The following PALM2AKAP2 variants were observed in gnomAD, a reference collection of about 807,000 sequenced individuals.
PALM2AKAP2 encodes the protein PALM2-AKAP2 fusion protein.
In PALM2AKAP2, 37 loss-of-function variants were observed where a neutral mutation model predicts 71.5. The observed-to-expected ratio is 0.52, with a 90% CI of 0.40 to 0.68. The LOEUF is 0.68. Ranked by LOEUF, PALM2AKAP2 falls within the 30% of genes least tolerant of loss-of-function variation. The pLI, the probability that PALM2AKAP2 is intolerant of heterozygous loss-of-function variation, is 0.00. For missense variants in PALM2AKAP2, 1,224 were observed against 1,191.8 expected, an observed-to-expected ratio of 1.03 and a Z score of -0.40; for synonymous variants, 468 against 478.8, an observed-to-expected ratio of 0.98 and a Z score of 0.29.
intron 1 of PALM2AKAP2, among the ~76,000 whole-genome samples, chr9:109,740,026 T>C (rs1828695357): frequency 6.6e-6 from 1 of 152,260 alleles, no homozygotes; most frequent in African/African-American, 2.4e-5. Flanking sequence ...CTGTGATTCA[T>C]CTTATTTGCA....
At chr9:109,780,187 C>A (rs1490729328), upstream of PALM2AKAP2, 5 of 702,650 alleles carry the variant, frequency 7.1e-6, no homozygotes, top group East Asian at 4.6e-4. Context: ...GCCCTCCCGG[C>A]GGCTGCCGGC....
chr9:109,952,647 AT>A (rs759229471), intron 6 of PALM2AKAP2, among the ~76,000 whole-genome samples: 32 of 152,224 alleles, frequency 2.1e-4, no homozygotes, highest in Admixed American at 2.6e-4. Flanking sequence ...GTACCTAAGC[AT>A]TTAGTGCAGT....
chr9:109,672,895 G>A (rs899943502), intron 1 of PALM2AKAP2, among the ~76,000 whole-genome samples: 3 of 151,908 alleles, frequency 2.0e-5, no homozygotes, highest in African/African-American at 7.3e-5. Context: ...GGTGCATAGA[G>A]GTGTTCATAA....
At chr9:109,780,174 C>G, upstream of PALM2AKAP2, 1 of 522,686 alleles carries the variant, frequency 1.9e-6, no homozygotes, top group Non-Finnish European at 2.5e-6. Flanking sequence ...GCCGGGCTAG[C>G]GCGCCCTCCC....
rs543015101 is a variant in PALM2AKAP2, at chr9:109,854,637, C to T, written c.46-12854C>T. Among the ~76,000 whole-genome samples, 4 of 152,224 alleles carry T rather than the reference C, an allele frequency of 2.6e-5. No individual in the cohort carries two copies. The South Asian group carries it at 8.3e-4, about 32-fold the overall frequency. On this transcript the variant is annotated intron_variant, in intron 1 of 9. Transcript: ENST00000302798. ...CCTATGTTGATATTTAGCATGTATG[C>T]AGAGGATAGATGCTATCCTGTAGCA... is the stretch of plus-strand genomic sequence containing the variant.
chr9:109,867,162 C>CTG (rs747500773), intron 1 of PALM2AKAP2: 2 of 381,342 alleles, frequency 5.2e-6, no homozygotes, highest in South Asian at 1.7e-5. Context: ...GAACATGGTT[C>CTG]TCTGTGTGTG....
chr9:109,746,672 A>C (rs1344502963), intron 1 of PALM2AKAP2, among the ~76,000 whole-genome samples: 2 of 152,160 alleles, frequency 1.3e-5, no homozygotes, highest in Admixed American at 6.5e-5. Context: ...GTTGGTGTGG[A>C]TCTGGTTCAG....
chr9:109,646,537 A>T (rs1564100225), intron 1 of PALM2AKAP2, among the ~76,000 whole-genome samples: 1 of 152,246 alleles, frequency 6.6e-6, no homozygotes, highest in African/African-American at 2.4e-5. Context: ...ATCATGAAAC[A>T]TCTGAAGTTT....
At chr9:110,118,869 A>T (rs1456543841) in intron 1 of PALM2AKAP2, among the ~76,000 whole-genome samples, 4 of 152,218 alleles carry the variant, frequency 2.6e-5, no homozygotes, top group African/African-American at 7.2e-5. Flanking sequence ...ACCTACATAT[A>T]TACAAATAAA....
intron 1 of PALM2AKAP2, among the ~76,000 whole-genome samples, chr9:109,760,184 C>T (rs531741094): frequency 2.6e-5 from 4 of 152,012 alleles, no homozygotes; most frequent in Non-Finnish European, 5.9e-5. Context: ...TACTCTAAAC[C>T]GCAGTACTTT....
intron 2 of PALM2AKAP2, among the ~76,000 whole-genome samples, chr9:110,154,860 G>A (rs1034582098): frequency 2.0e-5 from 3 of 152,132 alleles, no homozygotes; most frequent in Non-Finnish European, 2.9e-5. Context: ...TGATAGAATA[G>A]CAAAACGTTT....
chr9:109,669,915 C>CT (rs896276666), intron 1 of PALM2AKAP2, among the ~76,000 whole-genome samples: 55 of 151,144 alleles, frequency 3.6e-4, no homozygotes, highest in Middle Eastern at 3.4e-3. Context: ...CATTTTCATT[C>CT]TTTTTTTTAT....
intron 7 of PALM2AKAP2, among the ~76,000 whole-genome samples, chr9:110,023,214 A>G (rs1201361721): frequency 5.5e-5 from 8 of 146,010 alleles, no homozygotes; most frequent in Non-Finnish European, 1.2e-4. Flanking sequence ...AAGTGTTCCT[A>G]TTTCTCCACA....
chr9:109,818,104 C>T (rs184425892), intron 1 of PALM2AKAP2, among the ~76,000 whole-genome samples: 5 of 152,154 alleles, frequency 3.3e-5, no homozygotes, highest in African/African-American at 1.2e-4. Flanking sequence ...CAACCCCGCA[C>T]ATATTTTTGG....
intron 1 of PALM2AKAP2, among the ~76,000 whole-genome samples, chr9:109,663,463 G>A (rs2118463867): frequency 1.3e-5 from 2 of 152,300 alleles, no homozygotes; most frequent in Middle Eastern, 3.4e-3. Context: ...TCATTCAGGA[G>A]CAAGTTGTTC....
chr9:109,767,888 C>T (rs74961876), intron 1 of PALM2AKAP2, among the ~76,000 whole-genome samples: 1,881 of 47,624 alleles, frequency 0.039, 34 homozygotes, highest in African/African-American at 0.23. Context: ...TGGTTCAAAG[C>T]GTGGGCTAAT....
intron 5 of PALM2AKAP2, among the ~76,000 whole-genome samples, chr9:109,928,356 G>A (rs1831003206): frequency 6.6e-6 from 1 of 152,106 alleles, no homozygotes; most frequent in South Asian, 2.1e-4. Context: ...ATATTTCAGC[G>A]GGATTAGAAC....
intron 1 of PALM2AKAP2, among the ~76,000 whole-genome samples, chr9:109,790,124 A>C (rs901294714): frequency 6.6e-6 from 1 of 152,350 alleles, no homozygotes; most frequent in South Asian, 2.1e-4. Context: ...TAAAAGCCCC[A>C]GCTGTAGATG....
At chr9:110,163,086 T>C (rs1836644344) in intron 3 of PALM2AKAP2, among the ~76,000 whole-genome samples, 1 of 152,192 alleles carries the variant, frequency 6.6e-6, no homozygotes, top group Non-Finnish European at 1.5e-5. Context: ...TGAGAAGGCA[T>C]AATATTTTTC....
Sources: allele counts gnomAD v4.1 joint callset (sites outside exome capture counted in the v4.1 genomes callset), GRCh38; gene constraint gnomAD v4.1.1; transcripts MANE v1.5; gene names NCBI Gene and HGNC (gene_info 2026-07-23, HGNC 2026-07-21).